The following TBC1D5 variants were observed in gnomAD, a reference collection of about 807,000 sequenced individuals.
TBC1D5 encodes the protein TBC1 domain family member 5, also known as TBC1 domain family, member 5.
Under a neutral mutation model 100.3 loss-of-function variants are expected in TBC1D5, and 75 were observed. That is an observed-to-expected ratio of 0.75 (90% CI 0.62 to 0.91). The LOEUF (loss-of-function observed/expected upper bound fraction) is 0.91. Ranked by LOEUF, TBC1D5 falls within the 40% of genes least tolerant of loss-of-function variation. The probability of loss-of-function intolerance (pLI) is 0.00; values close to 1 mark genes in which losing one functional copy is unlikely to be tolerated. For missense variants in TBC1D5, 910 were observed against 942.4 expected, an observed-to-expected ratio of 0.97 and a Z score of 0.45; for synonymous variants, 323 against 325.6, an observed-to-expected ratio of 0.99 and a Z score of 0.09.
At chr3:17,289,479 C>T (rs1380025323) in intron 15 of TBC1D5, among the ~76,000 whole-genome samples, 1 of 151,882 alleles carries the variant, frequency 6.6e-6, no homozygotes, top group African/African-American at 2.4e-5. Flanking sequence ...ACTAAAAATA[C>T]AAAAATTAGC....
intron 1 of TBC1D5, chr3:17,705,930 T>C (rs1428406694): frequency 2.7e-6 from 3 of 1,115,136 alleles, no homozygotes; most frequent in South Asian, 1.6e-5. Flanking sequence ...GCGGGGCCCG[T>C]CCGCTCCTCC....
chr3:17,566,632 C>T (rs1443001465), intron 2 of TBC1D5, among the ~76,000 whole-genome samples: 1 of 151,752 alleles, frequency 6.6e-6, no homozygotes, highest in East Asian at 1.9e-4. Flanking sequence ...AAACTACCTG[C>T]AACTAAAAGC....
At chr3:17,373,862 G>C (rs761690320) in intron 12 of TBC1D5, among the ~76,000 whole-genome samples, 1 of 152,056 alleles carries the variant, frequency 6.6e-6, no homozygotes, top group Non-Finnish European at 1.5e-5. Flanking sequence ...GGGAAATGGA[G>C]AGTGACTGTT....
Position 17,306,976 on chromosome 3 carries a change from C to T in TBC1D5, c.1138+1016G>A, listed in dbSNP as rs532714629. Among the ~76,000 whole-genome samples, 9 of 152,186 alleles carry T rather than the reference C, an allele frequency of 5.9e-5. No homozygotes were observed. In the South Asian group the frequency reaches 8.3e-4, roughly 14 times the overall value. On this transcript the variant is annotated intron_variant, in intron 14 of 21. Transcript: ENST00000253692. Reference sequence around the variant, plus strand: ...GAGAAAACCTAAACTATTTGACCTTCGAGGCACAGAACAAAATCTACATTT... The same window carrying T: ...GAGAAAACCTAAACTATTTGACCTTTGAGGCACAGAACAAAATCTACATTT...
At chr3:17,597,246 G>T (rs1347813190) in intron 2 of TBC1D5, among the ~76,000 whole-genome samples, 2 of 152,178 alleles carry the variant, frequency 1.3e-5, no homozygotes, top group Non-Finnish European at 1.5e-5. Context: ...GATAGTAAAA[G>T]TTCCTTGAAA....
chr3:17,254,741 C>A (rs1320255911), intron 16 of TBC1D5, among the ~76,000 whole-genome samples: 1 of 115,672 alleles, frequency 8.6e-6, no homozygotes, highest in Non-Finnish European at 1.6e-5. Flanking sequence ...TCTTTGCCTA[C>A]CCTTTGTCTT....
At chr3:17,498,123 C>G (rs996673360) in intron 3 of TBC1D5, among the ~76,000 whole-genome samples, 9 of 152,032 alleles carry the variant, frequency 5.9e-5, no homozygotes, top group Non-Finnish European at 1.2e-4. Context: ...CCATTTAAAA[C>G]ACTCAAACTT....
At chr3:17,676,818 A>G (rs1224243780) in intron 1 of TBC1D5, among the ~76,000 whole-genome samples, 1 of 152,208 alleles carries the variant, frequency 6.6e-6, no homozygotes, top group Non-Finnish European at 1.5e-5. Flanking sequence ...AGACCAATGG[A>G]ACAGAACAGA....
At chr3:17,614,902 C>G (rs916796323) in intron 2 of TBC1D5, among the ~76,000 whole-genome samples, 23 of 152,270 alleles carry the variant, frequency 1.5e-4, no homozygotes, top group African/African-American at 5.5e-4. Context: ...TTGCCCTGGC[C>G]AGAATTTCCA....
At chr3:17,570,581 G>A (rs761294593) in intron 2 of TBC1D5, among the ~76,000 whole-genome samples, 4 of 152,038 alleles carry the variant, frequency 2.6e-5, no homozygotes, top group East Asian at 3.9e-4. Flanking sequence ...TGTATGTATT[G>A]TATCACTTAC....
intron 13 of TBC1D5, among the ~76,000 whole-genome samples, chr3:17,323,090 C>A (rs994618364): frequency 9.2e-5 from 14 of 152,134 alleles, no homozygotes; most frequent in African/African-American, 3.1e-4. Context: ...AGAAAGACTA[C>A]AGATTCAGAG....
At chr3:17,414,683 T>C (rs966281562) in intron 4 of TBC1D5, among the ~76,000 whole-genome samples, 1 of 152,184 alleles carries the variant, frequency 6.6e-6, no homozygotes, top group African/African-American at 2.4e-5. Context: ...ACACTGATGT[T>C]ATCTATAATT....
intron 1 of TBC1D5, among the ~76,000 whole-genome samples, chr3:17,658,510 T>A (rs1229883400): frequency 2.0e-5 from 3 of 152,118 alleles, no homozygotes; most frequent in Non-Finnish European, 2.9e-5. Context: ...AGTAAAAATA[T>A]ATGTCAATGC....
chr3:17,475,808 G>A (rs1036995955), intron 3 of TBC1D5, among the ~76,000 whole-genome samples: 1 of 152,028 alleles, frequency 6.6e-6, no homozygotes, highest in Non-Finnish European at 1.5e-5. Flanking sequence ...CCTAGGGTAT[G>A]GTCATATTCA....
intron 2 of TBC1D5, among the ~76,000 whole-genome samples, chr3:17,537,860 T>C (rs2096299109): frequency 6.6e-6 from 1 of 152,216 alleles, no homozygotes; most frequent in South Asian, 2.1e-4. Flanking sequence ...GAGACAAGTC[T>C]CGTTCAACTT....
At chr3:17,673,992 C>T (rs1376995829) in intron 1 of TBC1D5, among the ~76,000 whole-genome samples, 1 of 152,100 alleles carries the variant, frequency 6.6e-6, no homozygotes, top group Admixed American at 6.5e-5. Flanking sequence ...GGCTTGAGAG[C>T]CTGACTCCCA....
At chr3:17,168,437 G>C (rs1441194040) in intron 19 of TBC1D5, among the ~76,000 whole-genome samples, 2 of 152,122 alleles carry the variant, frequency 1.3e-5, no homozygotes, top group Admixed American at 1.3e-4. Context: ...CTGATCTGAG[G>C]GACCCACCAA....
chr3:17,705,583 G>T (rs1374316885), intron 1 of TBC1D5, among the ~76,000 whole-genome samples: 2 of 139,080 alleles, frequency 1.4e-5, no homozygotes, highest in African/African-American at 5.3e-5. Context: ...TCTCGGCCGG[G>T]CAGAGGCGCT....
intron 21 of TBC1D5, among the ~76,000 whole-genome samples, chr3:17,162,481 T>C (rs894200235): frequency 2.0e-5 from 3 of 152,246 alleles, no homozygotes; most frequent in African/African-American, 7.2e-5. Flanking sequence ...TCTCTGATGA[T>C]TCACCAACCT....
Sources: gnomAD v4.1 joint callset for allele counts (sites outside exome capture counted in the v4.1 genomes callset) on GRCh38, gnomAD v4.1.1 for gene constraint, MANE v1.5 for transcripts, NCBI Gene and HGNC (gene_info 2026-07-23, HGNC 2026-07-21) for gene names.